SYT17: variants seen among roughly 807,000 people sequenced by gnomAD.
SYT17 encodes synaptotagmin 17.
Under a neutral mutation model 46.7 loss-of-function variants are expected in SYT17, and 22 were observed. The observed-to-expected ratio is 0.47, with a 90% CI of 0.34 to 0.67. The LOEUF (loss-of-function observed/expected upper bound fraction) is 0.67, where lower values mean the gene tolerates loss of function less well. Ranked by LOEUF, SYT17 falls within the 30% of genes least tolerant of loss-of-function variation. SYT17 has a pLI of 0.01. For synonymous variants in SYT17, 251 were observed against 248.4 expected (o/e 1.01, Z -0.10); for missense variants, 519 against 612.8 (o/e 0.85, Z 1.62).
chr16:19,168,751 G>C lies in SYT17; in HGVS notation c.15+90G>C, dbSNP rs1963964858. 3 of 1,382,512 alleles carry C rather than the reference G, an allele frequency of 2.2e-6. No homozygotes were observed. Among genetic ancestry groups the C allele is most frequent in the Middle Eastern group, 2.2e-4 (1 of 4,592 alleles). The allele number at this position is 1,382,512 out of a possible 1,614,324, so 85.6% of individuals were successfully genotyped here. ...GGAGCGCGCGGAAGGGAGGGCCCAC[G>C]GCTAGGCTCCCACAAACTTGCTTCG... On this transcript the variant is annotated intron_variant, in intron 1 of 7. Transcript: ENST00000355377. This position sits in a 1 kb window ranked among gnomAD's most constrained non-coding sequence, Gnocchi z 6.9.
chr16:19,225,136 A>G (rs1421673408), intron 7 of SYT17, among the ~76,000 whole-genome samples: 1 of 152,204 alleles, frequency 6.6e-6, no homozygotes, highest in African/African-American at 2.4e-5. Flanking sequence ...CAAAATGTGA[A>G]CAATAATAGT....
Position 19,183,899 on chromosome 16 carries a change from C to T in SYT17, c.703C>T (p.Leu235Phe), listed in dbSNP as rs752035197. Residue 235 changes from leucine (L) to phenylalanine (F), a missense_variant, in exon 5 of 8, where the codon CTC becomes TTC. Transcript: ENST00000355377. This position sits in a 1 kb window ranked among gnomAD's most constrained non-coding sequence, Gnocchi z 5.6. ...AHSNPYVKICLLPDQKNSKQT... is the reference protein window; with the variant it reads ...AHSNPYVKICFLPDQKNSKQT... Reference sequence around the variant, plus strand: ...CTCCAACCCCTACGTCAAGATCTGTCTCCTGCCAGACCAGAAGAACTCAAA... The same window carrying T: ...CTCCAACCCCTACGTCAAGATCTGTTTCCTGCCAGACCAGAAGAACTCAAA... 6.2e-7 allele frequency: 1 copy of T among 1,614,214 alleles called. No individual in the cohort carries two copies. Among genetic ancestry groups the T allele is most frequent in the Non-Finnish European group, 8.5e-7 (1 of 1,180,046 alleles).
chr16:19,262,209 A>G (rs1969026489), intron 7 of SYT17, among the ~76,000 whole-genome samples: 1 of 152,222 alleles, frequency 6.6e-6, no homozygotes, highest in Admixed American at 6.5e-5. Context: ...TGTTCCCCCA[A>G]AATTCTTATG....
intron 5 of SYT17, among the ~76,000 whole-genome samples, chr16:19,192,072 C>T (rs867856370): frequency 2.6e-5 from 4 of 152,326 alleles, no homozygotes; most frequent in South Asian, 2.1e-4. Flanking sequence ...CGCGAGCCAC[C>T]GCGCGGCCGC....
chr16:19,256,974 C>G (rs1968619643), intron 7 of SYT17, among the ~76,000 whole-genome samples: 1 of 152,112 alleles, frequency 6.6e-6, no homozygotes, highest in Non-Finnish European at 1.5e-5. Flanking sequence ...CACTCAACCT[C>G]TTAACTTCTC....
chr16:19,265,451 G>T (rs1450743209), intron 7 of SYT17, among the ~76,000 whole-genome samples: 1 of 152,176 alleles, frequency 6.6e-6, no homozygotes, highest in Non-Finnish European at 1.5e-5. Flanking sequence ...GATGGATGGA[G>T]TTTTTGTTTT....
At chr16:19,199,961 G>A (rs1259728171) in intron 5 of SYT17, among the ~76,000 whole-genome samples, 1 of 152,192 alleles carries the variant, frequency 6.6e-6, no homozygotes, top group East Asian at 1.9e-4. Flanking sequence ...CCATATGATT[G>A]GTGTCTTTAC....
intron 7 of SYT17, among the ~76,000 whole-genome samples, chr16:19,248,779 G>A (rs967835866): frequency 2.0e-5 from 3 of 151,998 alleles, no homozygotes; most frequent in African/African-American, 4.8e-5. Context: ...CTGAGATCGC[G>A]CCACTGGACT....
rs1020904850 is a variant in SYT17 at position 19,256,345 on chromosome 16, G to C, written c.1229-10535G>C. Reference sequence around the variant, plus strand: ...ATGGCGAGAAGGGCCTCAACATGGCGCCTTTATGAGGATTTTCACGGGACT... The same window carrying C: ...ATGGCGAGAAGGGCCTCAACATGGCCCCTTTATGAGGATTTTCACGGGACT... On this transcript the variant is annotated intron_variant, in intron 7 of 7. Transcript: ENST00000355377. Among the ~76,000 whole-genome samples the C allele has an allele frequency of 5.9e-5, 9 of 151,542 alleles. No homozygotes were observed. In the East Asian group the frequency reaches 1.8e-3, roughly 30 times the overall value.
chr16:19,183,895 C>G lies in SYT17; in HGVS notation c.699C>G (p.Ile233Met). Reference sequence around the variant, plus strand: ...CGCACTCCAACCCCTACGTCAAGATCTGTCTCCTGCCAGACCAGAAGAACT... The same window carrying G: ...CGCACTCCAACCCCTACGTCAAGATGTGTCTCCTGCCAGACCAGAAGAACT... ...DMAHSNPYVK[I>M]CLLPDQKNSK... The change falls in exon 5 of 8, where the codon ATC (isoleucine) becomes ATG (methionine). Residue 233 changes from isoleucine to methionine, a missense_variant. Ile to Met is a conservative substitution (Grantham distance 10). Transcript: ENST00000355377. This position sits in a 1 kb window ranked among gnomAD's most constrained non-coding sequence, Gnocchi z 5.6. 1 of 1,614,226 alleles carries G rather than the reference C, an allele frequency of 6.2e-7. No homozygotes were observed. The highest frequency in any genetic ancestry group is 1.6e-4 in the Middle Eastern group (1 of 6,062).
chr16:19,254,701 G>A (rs558612667), intron 7 of SYT17, among the ~76,000 whole-genome samples: 21 of 152,282 alleles, frequency 1.4e-4, no homozygotes, highest in Admixed American at 3.3e-4. Flanking sequence ...TCCCCCAAGC[G>A]ATGCCAGCTT....
chr16:19,264,881 AC>A (rs1437348291), intron 7 of SYT17, among the ~76,000 whole-genome samples: 1 of 152,188 alleles, frequency 6.6e-6, no homozygotes, highest in Non-Finnish European at 1.5e-5. Context: ...GATGCGAGCC[AC>A]CGTGCCCAGT....
At chr16:19,237,698 A>ACTG (rs1325603445) in intron 7 of SYT17, among the ~76,000 whole-genome samples, 2 of 152,170 alleles carry the variant, frequency 1.3e-5, no homozygotes, top group African/African-American at 4.8e-5. Context: ...GAGCTGTCAC[A>ACTG]CTGCTGCTTC....
chr16:19,256,510 G>C (rs191358774), intron 7 of SYT17, among the ~76,000 whole-genome samples: 7 of 145,830 alleles, frequency 4.8e-5, no homozygotes, highest in Admixed American at 4.2e-4. Flanking sequence ...ACCCAATCTG[G>C]CCCTTATCAC....
intron 5 of SYT17, among the ~76,000 whole-genome samples, chr16:19,215,463 T>C (rs1044897309): frequency 6.6e-6 from 1 of 152,234 alleles, no homozygotes; most frequent in African/African-American, 2.4e-5. Context: ...TCTTTCTCAG[T>C]TGCCAAGGAT....
intron 5 of SYT17, among the ~76,000 whole-genome samples, chr16:19,212,725 A>G (rs1320374855): frequency 6.6e-6 from 1 of 152,244 alleles, no homozygotes; most frequent in South Asian, 2.1e-4. Context: ...CAGCTCTGAC[A>G]TTCCAATCTT....
chr16:19,258,293 T>G (rs1567238261), intron 7 of SYT17, among the ~76,000 whole-genome samples: 1 of 152,046 alleles, frequency 6.6e-6, no homozygotes, highest in African/African-American at 2.4e-5. Context: ...GGGTGGCAAT[T>G]GTGTCCCCAG....
At chr16:19,200,452 A>T (rs1162651157) in intron 5 of SYT17, among the ~76,000 whole-genome samples, 1 of 152,216 alleles carries the variant, frequency 6.6e-6, no homozygotes, top group Admixed American at 6.5e-5. Flanking sequence ...AAATGGTTGA[A>T]TCCATTGCCT....
rs1383041716 is a variant in SYT17, at chr16:19,252,371, A to G, written c.1229-14509A>G. On this transcript the variant is annotated intron_variant, in intron 7 of 7. Transcript: ENST00000355377. The stretch of plus-strand genomic sequence containing the variant: ...CTGCCATATACACATATATATATAC[A>G]TATATATACATATATATATATACAT... Among the ~76,000 whole-genome samples, 2 of 16,666 alleles carry G rather than the reference A, an allele frequency of 1.2e-4. 1 individual carries two copies. The highest frequency in any genetic ancestry group is 1.8e-4 in the Non-Finnish European group (2 of 11,238). The allele number at this position is 16,666 out of a possible 152,430, so 10.9% of individuals were successfully genotyped here.
Sources: gnomAD v4.1 joint callset for allele counts (sites outside exome capture counted in the v4.1 genomes callset) on GRCh38, gnomAD v4.1.1 for gene constraint, Gnocchi (gnomAD v3.1) non-coding constraint, MANE v1.5 for transcripts, NCBI Gene and HGNC (gene_info 2026-07-23, HGNC 2026-07-21) for gene names.